The following TRPA1 variants were observed in gnomAD, a reference collection of about 807,000 sequenced individuals.
TRPA1 encodes the protein ankyrin-like with transmembrane domains 1.
A neutral mutation model predicts 131.3 loss-of-function variants in TRPA1; 129 were observed. That is an observed-to-expected ratio of 0.98 (90% CI 0.85 to 1.14). The LOEUF (loss-of-function observed/expected upper bound fraction) is 1.14, where lower values mean the gene tolerates loss of function less well. Ranked by LOEUF, TRPA1 falls within the 50% of genes most tolerant of loss-of-function variation. The pLI, the probability that TRPA1 is intolerant of heterozygous loss-of-function variation, is 0.00. For synonymous variants in TRPA1, 441 were observed against 451.7 expected, an observed-to-expected ratio of 0.98 and a Z score of 0.30; for missense variants, 1,304 against 1,354.2, an observed-to-expected ratio of 0.96 and a Z score of 0.58.
rs1299068797 is a variant in TRPA1, at chr8:72,060,529, A to T, written c.945-1091T>A. Reference sequence around the variant, plus strand: ...ATTATTTTCATATCACCAATCCTGGATTCATATACGACAATCTGTTTTTCA... The same window carrying T: ...ATTATTTTCATATCACCAATCCTGGTTTCATATACGACAATCTGTTTTTCA... On this transcript the variant is annotated intron_variant, in intron 7 of 26. Transcript: ENST00000262209. 1.3e-5 allele frequency: 2 copies of T among 152,104 alleles called. 1 individual carries two copies. The highest frequency in any genetic ancestry group is 4.8e-5 in the African/African-American group (2 of 41,436). The allele number at this position is 152,104 out of a possible 1,614,324, so 9.4% of individuals were successfully genotyped here. A position where few individuals can be genotyped will look rare whatever the true frequency, so the allele number is the denominator to read the frequency against.
upstream of TRPA1, chr8:72,075,749 G>A: frequency 2.5e-6 from 1 of 395,114 alleles, no homozygotes; most frequent in Non-Finnish European, 4.8e-6. Flanking sequence ...CTGTCCTGCA[G>A]CTGCAGCAGC....
chr8:72,050,676 GAGA>G, intron 15 of TRPA1, 99 bp downstream of exon 15: 1 of 825,416 alleles, frequency 1.2e-6, no homozygotes, highest in South Asian at 1.4e-5. Flanking sequence ...TATGGAAAAT[GAGA>G]AGCTTTGTTT....
At chr8:72,051,673 C>T (rs1017961846) in intron 14 of TRPA1, among the ~76,000 whole-genome samples, 1 of 152,194 alleles carries the variant, frequency 6.6e-6, no homozygotes, top group African/African-American at 2.4e-5. Context: ...ATTGTTCGCT[C>T]TGTGTCCACT....
In TRPA1 at chr8:72,022,942, T is replaced by C. The variant is rs755682237; in HGVS notation, c.3324A>G (p.Arg1108=). The C allele has an allele frequency of 2.5e-6, 4 of 1,613,732 alleles. No individual in the cohort carries two copies. Among genetic ancestry groups the C allele is most frequent in the Non-Finnish European group, 3.4e-6 (4 of 1,179,834 alleles). ...QRNSRWNTVL[R]AVKAKTHHLE... ...GATGGTGTGTTTTTGCCTTGACTGC[T>C]CTCAACACAGTATTCCATCTGCTAT... Residue 1108 remains arginine (R), a synonymous_variant, in exon 27 of 27, where the codon AGA becomes AGG. Transcript: ENST00000262209.
intron 19 of TRPA1, 62 bp downstream of exon 19, chr8:72,038,803 G>T: frequency 7.0e-7 from 1 of 1,432,324 alleles, no homozygotes; most frequent in Non-Finnish European, 9.6e-7. Context: ...GGGTTTAGTA[G>T]TCTTAAGAAA....
intron 12 of TRPA1, chr8:72,054,261 T>C: frequency 3.8e-6 from 1 of 259,940 alleles, no homozygotes; most frequent in African/African-American, 2.3e-5. Flanking sequence ...AATTTTTTTA[T>C]GAAGTAATGT....
intron 14 of TRPA1, 120 bp downstream of exon 14, chr8:72,052,479 T>G (rs1300274626): frequency 3.9e-6 from 5 of 1,267,438 alleles, no homozygotes; most frequent in Non-Finnish European, 5.7e-6. Flanking sequence ...TGTAAACAAC[T>G]GATATTTTAA....
intron 22 of TRPA1, 136 bp downstream of exon 22, chr8:72,034,112 A>G: frequency 9.9e-7 from 1 of 1,011,372 alleles, no homozygotes; most frequent in Non-Finnish European, 1.4e-6. Flanking sequence ...TTTGAAAGAT[A>G]TAGGAGATAA....
At chr8:72,051,062 T>C (rs143993839) in intron 14 of TRPA1, among the ~76,000 whole-genome samples, 191 bp from the exon 15 acceptor site, 1 of 152,304 alleles carries the variant, frequency 6.6e-6, no homozygotes, top group African/African-American at 2.4e-5. Context: ...TCCTTGCCCA[T>C]TAATGGACAT....
At chr8:72,044,008 C>T (rs1812344627) in intron 17 of TRPA1, among the ~76,000 whole-genome samples, 2 of 151,824 alleles carry the variant, frequency 1.3e-5, no homozygotes, top group African/African-American at 4.8e-5. Flanking sequence ...TTAAAAACTA[C>T]TACTGTGACA....
chr8:72,076,771 G>C (rs1267810787), upstream of TRPA1: 1 of 152,210 alleles, frequency 6.6e-6, no homozygotes, highest in African/African-American at 2.4e-5. Context: ...CACCCCTGGA[G>C]TGGAATTCCT....
rs1811446301 is a variant in TRPA1 at position 72,022,877 on chromosome 8, A to C, written c.*29T>G. On this transcript the variant is annotated 3_prime_UTR_variant, in exon 27 of 27. Transcript: ENST00000262209. ...AGAACCAGCAAGTCATGCACCCCCC[A>C]TTAGAAGCCTCACTGAAGGTCTGAG... 3.1e-6 allele frequency: 5 copies of C among 1,604,456 alleles called. No homozygotes were observed. The South Asian group carries it at 5.5e-5, about 18-fold the overall frequency.
chr8:72,038,029 G>T lies in TRPA1; in HGVS notation c.2339C>A (p.Ser780Ter). 1 of 1,600,962 alleles carries T rather than the reference G, an allele frequency of 6.2e-7. No homozygotes were observed. The highest frequency in any genetic ancestry group is 8.5e-7 in the Non-Finnish European group (1 of 1,169,594). Residue 780 changes from serine to a stop codon, truncating the protein, a stop_gained, in exon 20 of 27, where the codon TCA (serine) becomes TAA (stop). Transcript: ENST00000262209. LOFTEE classifies it high-confidence loss of function. Reference sequence around the variant, plus strand: ...TTCTTTGCAATACCCAAATATACTTGATAAAAACACTAAAATCATACAAGT... The same window carrying T: ...TTCTTTGCAATACCCAAATATACTTTATAAAAACACTAAAATCATACAAGT... ...IKTCMILVFL[S>*]SIFGYCKEAG...
upstream of TRPA1, among the ~76,000 whole-genome samples, chr8:72,077,914 A>G (rs1482895114): frequency 6.6e-6 from 1 of 152,104 alleles, no homozygotes; most frequent in Non-Finnish European, 1.5e-5. Flanking sequence ...ATTAGAGAAA[A>G]GAAACCTTCC....
chr8:72,031,373 G>C (rs571794024), intron 23 of TRPA1, among the ~76,000 whole-genome samples: 6 of 151,628 alleles, frequency 4.0e-5, no homozygotes, highest in Non-Finnish European at 8.8e-5. Flanking sequence ...GAGCCTAGGA[G>C]TTCCAGACCA....
At chr8:72,032,543 T>C (rs190479838) in intron 23 of TRPA1, among the ~76,000 whole-genome samples, 22 of 152,292 alleles carry the variant, frequency 1.4e-4, no homozygotes, top group Admixed American at 1.4e-3. Context: ...CTTGGCTCTG[T>C]TGGTTTTGAT....
At chr8:72,061,526 A>G in intron 7 of TRPA1, 99 bp downstream of exon 7, 1 of 1,464,940 alleles carries the variant, frequency 6.8e-7, no homozygotes, top group Non-Finnish European at 9.5e-7. Flanking sequence ...TTGAACCACA[A>G]AATCTTTGCT....
At chr8:72,023,963 T>C (rs1175641860) in intron 25 of TRPA1, 52 bp from the exon 26 acceptor site, 1 of 1,287,082 alleles carries the variant, frequency 7.8e-7, no homozygotes, top group Admixed American at 1.7e-5. Flanking sequence ...TCAGGAACTT[T>C]TTCTTAAGCA....
chr8:72,047,587 T>C (rs1480886556), intron 15 of TRPA1, among the ~76,000 whole-genome samples: 1 of 152,094 alleles, frequency 6.6e-6, no homozygotes, highest in Non-Finnish European at 1.5e-5. Context: ...TTCTAAACGC[T>C]CCAAAATCCA....
Sources: gnomAD v4.1 joint callset for allele counts (sites outside exome capture counted in the v4.1 genomes callset) on GRCh38, gnomAD v4.1.1 for gene constraint, MANE v1.5 for transcripts, NCBI Gene and HGNC (gene_info 2026-07-23, HGNC 2026-07-21) for gene names.